Variants in EML5 observed in about 807,000 individuals in gnomAD.
The protein encoded by EML5 is EMAP like 5.
A neutral mutation model predicts 250.0 loss-of-function variants in EML5; 120 were observed. That is an observed-to-expected ratio of 0.48 (90% confidence interval 0.41 to 0.56). EML5 has a LOEUF of 0.56. EML5 is among the 20% of genes least tolerant of loss of function. The probability of loss-of-function intolerance (pLI) is 0.00; values close to 1 mark genes in which losing one functional copy is unlikely to be tolerated. For synonymous variants in EML5, 771 were observed against 806.5 expected (o/e 0.96, Z 0.75); for missense variants, 2,006 against 2,437.6 (o/e 0.82, Z 3.73).
At chr14:88,676,885 G>C (rs888246402) in intron 21 of EML5, among the ~76,000 whole-genome samples, 8 of 152,020 alleles carry the variant, frequency 5.3e-5, no homozygotes, top group African/African-American at 1.7e-4. Flanking sequence ...GCAATGGGGA[G>C]AGGATTTCCT....
chr14:88,725,661 C>T (rs187253813), intron 8 of EML5, among the ~76,000 whole-genome samples: 1 of 152,228 alleles, frequency 6.6e-6, no homozygotes, highest in Admixed American at 6.5e-5. Flanking sequence ...AGAAAGCACA[C>T]AATGTGTTTT....
intron 1 of EML5, among the ~76,000 whole-genome samples, chr14:88,762,367 G>C (rs979795628): frequency 6.6e-6 from 1 of 152,040 alleles, no homozygotes; most frequent in African/African-American, 2.4e-5. Context: ...AAAATTAGCG[G>C]GTTGTGGTGG....
chr14:88,707,838 T>C (rs2093344200), intron 10 of EML5, among the ~76,000 whole-genome samples: 2 of 152,218 alleles, frequency 1.3e-5, no homozygotes, highest in African/African-American at 2.4e-5. Context: ...AGGAATGCAT[T>C]ACTTGCCTGT....
intron 33 of EML5, among the ~76,000 whole-genome samples, chr14:88,629,652 A>C (rs2090316279): frequency 6.6e-6 from 1 of 152,222 alleles, no homozygotes; most frequent in Admixed American, 6.5e-5. Context: ...TTAAGTACCT[A>C]TCATGGCAGG....
chr14:88,738,886 T>A lies in EML5; in HGVS notation c.840A>T (p.Gly280=). ...CATTTGTTTTGTTATTACCTTTGTA[T>A]CCCTGGTCTGTTTCCCTGAGATCAA... The part of the protein sequence containing the change: ...TVIDLRETDQ[G]YKGLSVRSVC... The change falls in exon 6 of 44, where the codon GGA becomes GGT. Residue 280 remains glycine, a synonymous_variant. Coordinates refer to ENST00000554922, the MANE Select transcript of EML5 (RefSeq NM_183387.3). 1 of 1,567,270 alleles carries A rather than the reference T, an allele frequency of 6.4e-7. No homozygotes were observed.
intron 22 of EML5, among the ~76,000 whole-genome samples, chr14:88,665,045 A>G (rs2092265421): frequency 6.6e-6 from 1 of 152,226 alleles, no homozygotes; most frequent in African/African-American, 2.4e-5. Flanking sequence ...CAAAAGCATT[A>G]AGAATATAAC....
chr14:88,672,408 G>A (rs1030167152), intron 21 of EML5, among the ~76,000 whole-genome samples: 1 of 152,016 alleles, frequency 6.6e-6, no homozygotes, highest in Non-Finnish European at 1.5e-5. Flanking sequence ...GTTTTAAGAG[G>A]GAAATGTATA....
chr14:88,727,751 G>A (rs1321522648), intron 7 of EML5, among the ~76,000 whole-genome samples: 1 of 152,044 alleles, frequency 6.6e-6, no homozygotes, highest in Non-Finnish European at 1.5e-5. Flanking sequence ...CTTTTAGATA[G>A]GTTATTTCTA....
At position 88,746,296 on chromosome 14, in the gene EML5, CAAG is replaced by C. The variant is rs1171464522; in HGVS notation, c.358-16_358-14del. 5.6e-6 allele frequency: 9 copies of C among 1,609,062 alleles called. No homozygotes were observed. Among genetic ancestry groups the C allele is most frequent in the Non-Finnish European group, 5.9e-6 (7 of 1,177,074 alleles). ...CTGAAACCAAGCGCTGATTTATGTC[CAAG>C]AAGTCCAGGAAGGAATAAAAAGGCA... On this transcript the variant is annotated splice_polypyrimidine_tract_variant and intron_variant, in intron 2 of 43. Coordinates refer to ENST00000554922, the MANE Select transcript of EML5 (RefSeq NM_183387.3).
chr14:88,787,628 A>AT (rs1408640461), intron 1 of EML5, among the ~76,000 whole-genome samples: 1 of 152,138 alleles, frequency 6.6e-6, no homozygotes, highest in Admixed American at 6.5e-5. Context: ...ACATCTCTTA[A>AT]TTTTATCCCT....
At chr14:88,723,376 T>A (rs1254173237) in intron 8 of EML5, among the ~76,000 whole-genome samples, 1 of 152,212 alleles carries the variant, frequency 6.6e-6, no homozygotes, top group Admixed American at 6.5e-5. Context: ...CTGCATGATC[T>A]TGCTTATATG....
At chr14:88,765,105 GT>G (rs2094303453) in intron 1 of EML5, among the ~76,000 whole-genome samples, 1 of 148,150 alleles carries the variant, frequency 6.7e-6, no homozygotes, top group African/African-American at 2.5e-5. Flanking sequence ...TATTATATTA[GT>G]TTTCTATGCT....
intron 1 of EML5, among the ~76,000 whole-genome samples, chr14:88,779,984 C>G (rs1158228959): frequency 1.3e-5 from 2 of 151,838 alleles, no homozygotes; most frequent in Admixed American, 6.6e-5. Flanking sequence ...GAGTCTTGCT[C>G]TGTTGCCCAG....
intron 31 of EML5, among the ~76,000 whole-genome samples, 196 bp from the exon 32 acceptor site, chr14:88,639,103 A>T (rs2140573964): frequency 6.6e-6 from 1 of 152,366 alleles, no homozygotes; most frequent in Admixed American, 6.5e-5. Flanking sequence ...CGTAAAAGGG[A>T]TAAACAATAC....
At chr14:88,741,646 C>T (rs2093926727) in intron 4 of EML5, among the ~76,000 whole-genome samples, 1 of 151,922 alleles carries the variant, frequency 6.6e-6, no homozygotes, top group Non-Finnish European at 1.5e-5. Flanking sequence ...TTTGAGGCTA[C>T]AGTGAGCTAT....
At chr14:88,644,540 G>A (rs772614235) in intron 29 of EML5, 29 bp from the exon 30 acceptor site, 2 of 1,607,154 alleles carry the variant, frequency 1.2e-6, no homozygotes, top group South Asian at 1.1e-5. Flanking sequence ...GAGGAGGAAA[G>A]GCATGCAGCA....
At chr14:88,697,350 A>G (rs1027933648) in intron 14 of EML5, among the ~76,000 whole-genome samples, 2 of 152,236 alleles carry the variant, frequency 1.3e-5, no homozygotes, top group Non-Finnish European at 2.9e-5. Context: ...TAGATGCTTA[A>G]TGAACATGAA....
At chr14:88,741,990 T>C (rs1219868355) in intron 4 of EML5, among the ~76,000 whole-genome samples, 1 of 152,154 alleles carries the variant, frequency 6.6e-6, no homozygotes, top group African/African-American at 2.4e-5. Flanking sequence ...AAGTGGCTTG[T>C]TTTCTTTCTT....
intron 1 of EML5, among the ~76,000 whole-genome samples, chr14:88,786,017 C>T (rs2094547869): frequency 6.6e-6 from 1 of 152,214 alleles, no homozygotes; most frequent in Non-Finnish European, 1.5e-5. Flanking sequence ...TACTTTCCTT[C>T]AAGTTCACTC....
Sources: gnomAD v4.1 joint callset for allele counts (sites outside exome capture counted in the v4.1 genomes callset) on GRCh38, gnomAD v4.1.1 for gene constraint, MANE v1.5 for transcripts, NCBI Gene and HGNC (gene_info 2026-07-23, HGNC 2026-07-21) for gene names.